Variants in FNBP1 observed in about 807,000 individuals in gnomAD.
The protein encoded by FNBP1 is formin-binding protein 1.
In FNBP1, 26 loss-of-function variants were observed where a neutral mutation model predicts 90.6. That is an observed-to-expected ratio of 0.29 (90% CI 0.21 to 0.40). The LOEUF (loss-of-function observed/expected upper bound fraction) is 0.40, where lower values mean the gene tolerates loss of function less well. Ranked by LOEUF, FNBP1 falls within the 10% of genes least tolerant of loss-of-function variation. The pLI, the probability that FNBP1 is intolerant of heterozygous loss-of-function variation, is 1.00. For synonymous variants in FNBP1, 260 were observed against 265.2 expected, an observed-to-expected ratio of 0.98 and a Z score of 0.19; for missense variants, 635 against 768.0, an observed-to-expected ratio of 0.83 and a Z score of 2.05.
chr9:129,980,498 C>A (rs117940831), intron 2 of FNBP1, among the ~76,000 whole-genome samples: 2,178 of 152,106 alleles, frequency 0.014, 25 homozygotes, highest in Non-Finnish European at 0.023. Context: ...GGTGTTGATG[C>A]TAAGACATTT....
intron 6 of FNBP1, among the ~76,000 whole-genome samples, chr9:129,942,736 A>G (rs2044507672): frequency 6.6e-6 from 1 of 152,212 alleles, no homozygotes; most frequent in Non-Finnish European, 1.5e-5. Context: ...GAGAGGACTA[A>G]AAGCCCTTTG....
intron 15 of FNBP1, 111 bp downstream of exon 15, chr9:129,899,854 C>G (rs1430917547): frequency 4.1e-6 from 4 of 975,984 alleles, no homozygotes; most frequent in Non-Finnish European, 5.7e-6. Flanking sequence ...GAAGGAAGGA[C>G]AAAGGAATAA....
intron 1 of FNBP1, among the ~76,000 whole-genome samples, chr9:130,002,544 G>A (rs1475849785): frequency 2.6e-5 from 4 of 152,158 alleles, no homozygotes; most frequent in African/African-American, 9.7e-5. Flanking sequence ...CTCTGGCCAC[G>A]TGACCTCTGC....
intron 8 of FNBP1, among the ~76,000 whole-genome samples, 156 bp from the exon 9 acceptor site, chr9:129,925,313 T>C (rs1231867253): frequency 6.6e-6 from 1 of 152,044 alleles, no homozygotes; most frequent in African/African-American, 2.4e-5. Context: ...AAGACCATCC[T>C]GGCTAACATG....
At chr9:129,938,733 T>C (rs2043878923) in intron 6 of FNBP1, among the ~76,000 whole-genome samples, 1 of 152,126 alleles carries the variant, frequency 6.6e-6, no homozygotes, top group Admixed American at 6.5e-5. Flanking sequence ...GTTGCCTTAT[T>C]TGAAATATCT....
chr9:130,009,298 G>A, intron 1 of FNBP1, among the ~76,000 whole-genome samples: 1 of 152,178 alleles, frequency 6.6e-6, no homozygotes, highest in East Asian at 1.9e-4. Flanking sequence ...CACTGCCATA[G>A]TTGAGCATCT....
intron 12 of FNBP1, among the ~76,000 whole-genome samples, chr9:129,906,323 T>TG (rs1229097498): frequency 3.3e-5 from 5 of 152,234 alleles, no homozygotes; most frequent in Non-Finnish European, 5.9e-5. Context: ...TGTTCTTATG[T>TG]GGGCTTGAAA....
At chr9:129,947,350 GAATTGCTTGAA>G (rs2045457706) in intron 6 of FNBP1, among the ~76,000 whole-genome samples, 1 of 150,268 alleles carries the variant, frequency 6.7e-6, no homozygotes, top group Non-Finnish European at 1.5e-5. Context: ...TGAGAAAGGA[GAATTGCTTGAA>G]CCCAGGAGGC....
chr9:129,924,829 T>C (rs954506036), intron 9 of FNBP1, 131 bp downstream of exon 9: 3 of 774,514 alleles, frequency 3.9e-6, no homozygotes, highest in Non-Finnish European at 6.2e-6. Flanking sequence ...TGTCTCAACA[T>C]AAGGTAGCAC....
rs575429998 is a variant in FNBP1 at position 129,888,191 on chromosome 9, A to G, written c.*2348T>C. 2.6e-5 allele frequency: 6 copies of G among 232,970 alleles called. No individual in the cohort carries two copies. The highest frequency in any genetic ancestry group is 1.8e-4 in the South Asian group (1 of 5,534). The allele number at this position is 232,970 out of a possible 1,614,324, so 14.4% of individuals were successfully genotyped here. A position where few individuals can be genotyped will look rare whatever the true frequency, so the allele number is the denominator to read the frequency against. Reference sequence around the variant, plus strand: ...TTCAAAGAGCAAATTACTGCAGCTTATATCTTTTCCACTATGTTGCAAGAA... The same window carrying G: ...TTCAAAGAGCAAATTACTGCAGCTTGTATCTTTTCCACTATGTTGCAAGAA... On this transcript the variant is annotated 3_prime_UTR_variant, in exon 17 of 17. Coordinates refer to ENST00000446176, the MANE Select transcript of FNBP1 (RefSeq NM_015033.3).
At chr9:130,053,170 G>T in the FNBP1 span, among the ~76,000 whole-genome samples, 1 of 152,140 alleles carries the variant, frequency 6.6e-6, no homozygotes, top group African/African-American at 2.4e-5. Flanking sequence ...TTTCCATACA[G>T]AATTAAGAGA....
At chr9:129,958,810 C>A (rs76336298) in intron 4 of FNBP1, among the ~76,000 whole-genome samples, 1 of 150,538 alleles carries the variant, frequency 6.6e-6, no homozygotes. Context: ...TGAGACCCCC[C>A]ACTCTACAAA....
intron 1 of FNBP1, among the ~76,000 whole-genome samples, chr9:130,027,410 CA>C (rs1379521552): frequency 6.6e-6 from 1 of 151,906 alleles, no homozygotes; most frequent in Admixed American, 6.6e-5. Flanking sequence ...AGCATTTTTT[CA>C]AAGAGACAAT....
chr9:129,892,088 CT>C (rs1169243171), intron 16 of FNBP1, among the ~76,000 whole-genome samples: 2 of 152,064 alleles, frequency 1.3e-5, no homozygotes, highest in Non-Finnish European at 2.9e-5. Flanking sequence ...GGCTTCGCGG[CT>C]TTCCGGCAGT....
At chr9:129,988,682 G>C (rs2052673585) in intron 2 of FNBP1, among the ~76,000 whole-genome samples, 1 of 149,542 alleles carries the variant, frequency 6.7e-6, no homozygotes, top group Non-Finnish European at 1.5e-5. Context: ...ATCTCGAAGA[G>C]AAAAAAAAAA....
intron 1 of FNBP1, among the ~76,000 whole-genome samples, chr9:129,997,418 C>A (rs16931664): frequency 0.021 from 3,182 of 152,110 alleles, 108 homozygotes; most frequent in African/African-American, 0.073. Context: ...ATTCTTGGTC[C>A]TCAATAATAT....
At chr9:129,899,837 A>T in intron 15 of FNBP1, 128 bp downstream of exon 15, 8 of 719,106 alleles carry the variant, frequency 1.1e-5, no homozygotes, top group African/African-American at 1.9e-5. Flanking sequence ...GGAAGGTAGG[A>T]AGGAAGGAAG....
At chr9:129,933,406 G>A (rs1476693997) in intron 6 of FNBP1, 2 of 152,162 alleles carry the variant, frequency 1.3e-5, no homozygotes, top group Admixed American at 6.5e-5. Context: ...TCCTCTTCCT[G>A]TAGCTCCACA....
intron 1 of FNBP1, among the ~76,000 whole-genome samples, chr9:130,028,475 C>T (rs1018458352): frequency 6.6e-6 from 1 of 152,104 alleles, no homozygotes; most frequent in South Asian, 2.1e-4. Flanking sequence ...CTGATTACTA[C>T]CAAAAATTGA....
Sources: gnomAD v4.1 joint callset for allele counts (sites outside exome capture counted in the v4.1 genomes callset) on GRCh38, gnomAD v4.1.1 for gene constraint, MANE v1.5 for transcripts, NCBI Gene and HGNC (gene_info 2026-07-23, HGNC 2026-07-21) for gene names.